The following PRKCZ variants were observed in gnomAD, a reference collection of about 807,000 sequenced individuals.
PRKCZ encodes protein kinase C zeta.
PRKCZ carries 33 observed loss-of-function variants against 79.5 expected under a neutral mutation model. The ratio of observed to expected loss-of-function variants is 0.41; its 90% confidence interval spans 0.31 to 0.55. PRKCZ has a LOEUF of 0.55. Among genes scored for constraint, PRKCZ ranks in the 20% least tolerant of loss-of-function variants. PRKCZ has a pLI of 0.19. For synonymous variants in PRKCZ, 342 were observed against 320.9 expected (o/e 1.07, Z -0.70); for missense variants, 578 against 813.5 (o/e 0.71, Z 3.52).
At chr1:2,057,357 G>A (rs183700562) in intron 3 of PRKCZ, among the ~76,000 whole-genome samples, 1 of 152,336 alleles carries the variant, frequency 6.6e-6, no homozygotes. Flanking sequence ...TGGTTCCAGC[G>A]CTGTGGCCAG....
intron 4 of PRKCZ, among the ~76,000 whole-genome samples, chr1:2,063,725 C>T (rs923352820): frequency 6.6e-6 from 1 of 152,060 alleles, no homozygotes. Context: ...CAGCTCTTGT[C>T]GTTTTCTGTT....
Position 2,110,354 on chromosome 1 carries a change from C to G in PRKCZ, c.335-24908C>G, listed in dbSNP as rs552449811. Among the ~76,000 whole-genome samples the G allele has an allele frequency of 2.5e-4, 38 of 152,370 alleles. 1 individual carries two copies. Among genetic ancestry groups the G allele is most frequent in the Non-Finnish European group, 4.1e-4 (28 of 68,036 alleles). On this transcript the variant is annotated intron_variant, in intron 4 of 17. Coordinates refer to ENST00000378567, the MANE Select transcript of PRKCZ (RefSeq NM_002744.6). ...CGTGATCAGAGCAGGCAGGACCTTT[C>G]TTCCCTCTCTGCAGCTCCGGCACTG...
At chr1:2,092,585 C>T (rs189958537) in intron 4 of PRKCZ, among the ~76,000 whole-genome samples, 24 of 152,216 alleles carry the variant, frequency 1.6e-4, no homozygotes, top group Admixed American at 1.2e-3. Flanking sequence ...CTTGAAGCTC[C>T]GTGGGTTTGT....
chr1:2,064,832 G>A (rs1332584941), intron 4 of PRKCZ, among the ~76,000 whole-genome samples: 2 of 152,104 alleles, frequency 1.3e-5, no homozygotes, highest in African/African-American at 4.8e-5. Context: ...ATTGTTTTGG[G>A]GTCCCCTGAG....
At chr1:2,160,528 G>A (rs1490740006) in intron 10 of PRKCZ, among the ~76,000 whole-genome samples, 5 of 152,238 alleles carry the variant, frequency 3.3e-5, no homozygotes, top group African/African-American at 1.2e-4. Context: ...AACCAGGCCT[G>A]AAGGTGCCAG....
rs752943914 is a variant in PRKCZ, at chr1:2,118,752, T to TGTGTGA, written c.335-16507_335-16506insTGAGTG. Among the ~76,000 whole-genome samples, 452 of 142,410 alleles carry TGTGTGA rather than the reference T, an allele frequency of 3.2e-3. 2 individuals carry two copies. The highest frequency in any genetic ancestry group is 5.6e-3 in the Non-Finnish European group (373 of 66,912). 93.4% of individuals were successfully genotyped at this position (142,410 alleles called of 152,430 possible). On this transcript the variant is annotated intron_variant, in intron 4 of 17. Coordinates refer to ENST00000378567, the MANE Select transcript of PRKCZ (RefSeq NM_002744.6). ...GTGTGTGTGTGTGTGTGTGTGTGTG[T>TGTGTGA]GTGAGATGAGGGGAGGGAGGGAAGG...
intron 3 of PRKCZ, among the ~76,000 whole-genome samples, chr1:2,058,715 G>A (rs1660409650): frequency 6.6e-6 from 1 of 151,172 alleles, no homozygotes; most frequent in South Asian, 2.1e-4. Context: ...GACCAACATG[G>A]TGAAACCCCA....
At chr1:2,144,569 C>T (rs1678097738) in intron 6 of PRKCZ, 4 of 1,386,930 alleles carry the variant, frequency 2.9e-6, no homozygotes, top group Admixed American at 6.0e-5. Context: ...GCATGAGGCT[C>T]AGGCAGCAGG....
chr1:2,116,332 C>T (rs1036152909), intron 4 of PRKCZ: 2 of 152,188 alleles, frequency 1.3e-5, no homozygotes, highest in African/African-American at 4.8e-5. Context: ...CTCCGAGGCT[C>T]CCGGGTTATT....
intron 10 of PRKCZ, among the ~76,000 whole-genome samples, chr1:2,162,131 A>ATTTTC (rs1193615965): frequency 6.6e-6 from 1 of 151,852 alleles, no homozygotes; most frequent in East Asian, 1.9e-4. Flanking sequence ...AGAAACTGGG[A>ATTTTC]TTTTCTTTTC....
chr1:2,167,468 G>A (rs190825410), intron 10 of PRKCZ, among the ~76,000 whole-genome samples: 16 of 152,254 alleles, frequency 1.1e-4, no homozygotes, highest in Non-Finnish European at 1.6e-4. Flanking sequence ...CCCAGGCGCC[G>A]CAGCAGCACT....
intron 3 of PRKCZ, among the ~76,000 whole-genome samples, chr1:2,056,913 A>G (rs991460745): frequency 6.6e-6 from 1 of 151,894 alleles, no homozygotes; most frequent in African/African-American, 2.4e-5. Context: ...TATTTTTTGT[A>G]GAGACGGGGT....
intron 1 of PRKCZ, among the ~76,000 whole-genome samples, chr1:2,051,955 C>T (rs557022148): frequency 1.5e-4 from 23 of 152,246 alleles, no homozygotes; most frequent in African/African-American, 5.5e-4. Flanking sequence ...AAAGGGATTT[C>T]TGGGGGACTG....
At chr1:2,154,880 A>G (rs1680619926) in intron 9 of PRKCZ, among the ~76,000 whole-genome samples, 2 of 152,204 alleles carry the variant, frequency 1.3e-5, no homozygotes, top group African/African-American at 4.8e-5. Flanking sequence ...CCTATGGCTG[A>G]AGCTAGTGCT....
rs932898438 is a variant in PRKCZ at position 2,057,620 on chromosome 1, C to T, written c.283+1047C>T. Among the ~76,000 whole-genome samples the T allele has an allele frequency of 4.6e-5, 7 of 152,196 alleles. No homozygotes were observed. In the South Asian group the frequency reaches 1.2e-3, roughly 27 times the overall value. ...GTGGCTCACAACTGTAATCCCAGCACTTTGGGAGGTCAAGGTGGGAGGATC... is the reference window on the plus strand; with the variant it reads ...GTGGCTCACAACTGTAATCCCAGCATTTTGGGAGGTCAAGGTGGGAGGATC... On this transcript the variant is annotated intron_variant, in intron 3 of 17. Coordinates refer to ENST00000378567, the MANE Select transcript of PRKCZ (RefSeq NM_002744.6).
At chr1:2,056,456 C>T (rs777525967) in intron 2 of PRKCZ, 28 bp from the exon 3 acceptor site, 63 of 1,605,172 alleles carry the variant, frequency 3.9e-5, no homozygotes, top group African/African-American at 5.4e-5. Context: ...CCTTCGGCGA[C>T]GTCAGCACCG....
At chr1:2,136,506 A>C (rs1239518056) in intron 5 of PRKCZ, among the ~76,000 whole-genome samples, 1 of 152,178 alleles carries the variant, frequency 6.6e-6, no homozygotes, top group Non-Finnish European at 1.5e-5. Context: ...AGGAGATGCC[A>C]GGAGCACCGA....
rs367603392 is a variant in PRKCZ at position 2,060,073 on chromosome 1, A to G, written c.334+482A>G. On this transcript the variant is annotated intron_variant, in intron 4 of 17. Transcript: ENST00000378567. ...AGGGAAGCTTCTGACCTCACTTCCT[A>G]CTGCATCCCGGAGACTGTTGGGCCC... 2.3e-3 allele frequency among the ~76,000 whole-genome samples: 351 copies of G among 152,170 alleles called. 7 individuals are homozygous for G. Among genetic ancestry groups the G allele is most frequent in the African/African-American group, 7.0e-3 (292 of 41,518 alleles).
chr1:2,079,645 C>CG (rs1486187833), intron 4 of PRKCZ, among the ~76,000 whole-genome samples: 1 of 152,244 alleles, frequency 6.6e-6, no homozygotes, highest in Non-Finnish European at 1.5e-5. Flanking sequence ...GCTGGCCCCG[C>CG]GGCTGCTGCT....
Sources: gnomAD v4.1 joint callset for allele counts (sites outside exome capture counted in the v4.1 genomes callset) on GRCh38, gnomAD v4.1.1 for gene constraint, MANE v1.5 for transcripts, NCBI Gene and HGNC (gene_info 2026-07-23, HGNC 2026-07-21) for gene names.